OPRK1: variants seen among roughly 807,000 people sequenced by gnomAD.
OPRK1 encodes opioid receptor kappa 1, also known as kappa-type opioid receptor.
A neutral mutation model predicts 24.5 loss-of-function variants in OPRK1; 15 were observed. That is an observed-to-expected ratio of 0.61 (90% CI 0.41 to 0.94). OPRK1 has a LOEUF of 0.94. Among genes scored for constraint, OPRK1 ranks in the 40% least tolerant of loss-of-function variants. OPRK1 has a pLI of 0.00. For missense variants in OPRK1, 479 were observed against 507.3 expected (o/e 0.94, Z 0.54); for synonymous variants, 205 against 198.0 (o/e 1.04, Z -0.30).
intron 2 of OPRK1, among the ~76,000 whole-genome samples, chr8:53,247,325 G>A (rs1466366774): frequency 6.6e-6 from 1 of 152,176 alleles, no homozygotes; most frequent in African/African-American, 2.4e-5. Flanking sequence ...CATCATTCTG[G>A]CCCCGTGAGT....
At chr8:53,236,583 C>G (rs1028981543) in intron 2 of OPRK1, among the ~76,000 whole-genome samples, 1 of 152,090 alleles carries the variant, frequency 6.6e-6, no homozygotes, top group Non-Finnish European at 1.5e-5. Context: ...ATTAAATGAC[C>G]TATAAGTTTT....
intron 2 of OPRK1, chr8:53,238,859 T>C (rs1585633792): frequency 5.4e-6 from 1 of 183,750 alleles, no homozygotes; most frequent in Non-Finnish European, 1.0e-5. Context: ...GTCCTTTCCA[T>C]GCATGGCTGT....
intron 2 of OPRK1, among the ~76,000 whole-genome samples, chr8:53,239,080 T>C (rs1807058786): frequency 6.6e-6 from 1 of 152,216 alleles, no homozygotes; most frequent in Non-Finnish European, 1.5e-5. Context: ...CAACACACTT[T>C]CAGTTGCACT....
intron 2 of OPRK1, among the ~76,000 whole-genome samples, chr8:53,244,097 C>T (rs778226115): frequency 2.0e-5 from 3 of 152,220 alleles, no homozygotes; most frequent in African/African-American, 4.8e-5. Flanking sequence ...CCCTCTGTCA[C>T]CCCATTCCGT....
At chr8:53,238,748 C>T in intron 2 of OPRK1, 2 of 982,300 alleles carry the variant, frequency 2.0e-6, no homozygotes, top group South Asian at 9.4e-5. Context: ...ACCAGTGTCA[C>T]CAGGCAGGGT....
intron 1 of OPRK1, 133 bp from the exon 2 acceptor site, chr8:53,251,218 G>T: frequency 1.0e-6 from 1 of 1,000,836 alleles, no homozygotes; most frequent in Non-Finnish European, 1.4e-6. Context: ...CAGGGAGAAC[G>T]GACTTCTCGC....
chr8:53,237,696 C>T (rs762331574), intron 2 of OPRK1, among the ~76,000 whole-genome samples: 6 of 152,186 alleles, frequency 3.9e-5, no homozygotes, highest in Admixed American at 6.5e-5. Context: ...GATCCCAATT[C>T]GTCCATTCTT....
chr8:53,229,216 T>G lies in OPRK1; in HGVS notation c.*81A>C, dbSNP rs1485942616. The stretch of plus-strand genomic sequence containing the variant: ...TAAATTCTATCTTTTCATGTCAGAC[T>G]GCAGTAGTGATCTGAGTTAAACCTA... On this transcript the variant is annotated 3_prime_UTR_variant, in exon 4 of 4. Transcript: ENST00000265572. The G allele has an allele frequency of 6.9e-7, 1 of 1,441,784 alleles. No individual in the cohort carries two copies. The highest frequency in any genetic ancestry group is 1.4e-5 in the African/African-American group (1 of 69,816). 89.3% of individuals were successfully genotyped at this position (1,441,784 alleles called of 1,614,324 possible). A position where few individuals can be genotyped will look rare whatever the true frequency, so the allele number is the denominator to read the frequency against.
At chr8:53,243,468 T>C (rs1807159835) in intron 2 of OPRK1, among the ~76,000 whole-genome samples, 2 of 152,226 alleles carry the variant, frequency 1.3e-5, no homozygotes, top group South Asian at 4.1e-4. Context: ...CTGGAGTCTA[T>C]TAAAGTTTAG....
chr8:53,229,703 T>C lies in OPRK1; in HGVS notation c.737A>G (p.Tyr246Cys). 2.5e-6 allele frequency: 4 copies of C among 1,613,970 alleles called. No individual in the cohort carries two copies. The highest frequency in any genetic ancestry group is 3.4e-6 in the Non-Finnish European group (4 of 1,179,998). ...VIPVLIIIVC[Y>C]TLMILRLKSV... Reference sequence around the variant, plus strand: ...CTTGAGACGCAGGATCATCAGGGTGTAGCAGACGATGATGATGAGGACAGG... The same window carrying C: ...CTTGAGACGCAGGATCATCAGGGTGCAGCAGACGATGATGATGAGGACAGG... The change falls in exon 4 of 4, where the codon TAC becomes TGC. Residue 246 changes from tyrosine (Y) to cysteine (C), a missense_variant. Physicochemically the swap from Tyr to Cys is radical, Grantham distance 194 (BLOSUM62 -2). Coordinates refer to ENST00000265572, the MANE Select transcript of OPRK1 (RefSeq NM_000912.5).
At chr8:53,244,152 G>T (rs925902146) in intron 2 of OPRK1, among the ~76,000 whole-genome samples, 1 of 152,212 alleles carries the variant, frequency 6.6e-6, no homozygotes, top group Non-Finnish European at 1.5e-5. Flanking sequence ...TTCTGGTGAG[G>T]CTGAGACAAG....
intron 2 of OPRK1, among the ~76,000 whole-genome samples, chr8:53,243,548 G>A (rs1323707156): frequency 1.3e-5 from 2 of 152,194 alleles, no homozygotes; most frequent in Non-Finnish European, 2.9e-5. Flanking sequence ...TCTCTCTGCA[G>A]TTGTATAGTC....
At chr8:53,235,210 T>A in intron 2 of OPRK1, 99 bp from the exon 3 acceptor site, 3 of 949,138 alleles carry the variant, frequency 3.2e-6, no homozygotes, top group Non-Finnish European at 4.7e-6. Flanking sequence ...TTTTGCTTCT[T>A]CATTCAATTA....
intron 2 of OPRK1, among the ~76,000 whole-genome samples, chr8:53,245,972 A>C (rs1394820878): frequency 6.6e-6 from 1 of 152,210 alleles, no homozygotes; most frequent in Non-Finnish European, 1.5e-5. Flanking sequence ...CCAGTCCCAC[A>C]GTCACCTATG....
chr8:53,250,894 C>G lies in OPRK1; in HGVS notation c.144G>C (p.Gln48His). The change falls in exon 2 of 4, where the codon CAG (glutamine) becomes CAC (histidine). Residue 48 changes from glutamine to histidine, a missense_variant. Physicochemically the swap from Gln to His is conservative, Grantham distance 24. Coordinates refer to ENST00000265572, the MANE Select transcript of OPRK1 (RefSeq NM_000912.5). ...CCGGGGAGATGTGCGCGGGCTCCAG[C>G]TGCGCGTCCTCCGAGCCGGCGCTGC... Reference protein sequence around the residue: ...SNGSAGSEDAQLEPAHISPAI... With the variant: ...SNGSAGSEDAHLEPAHISPAI... 1 of 1,612,260 alleles carries G rather than the reference C, an allele frequency of 6.2e-7. No homozygotes were observed.
intron 2 of OPRK1, among the ~76,000 whole-genome samples, chr8:53,246,221 C>A (rs1433584835): frequency 6.6e-6 from 1 of 152,048 alleles, no homozygotes; most frequent in Non-Finnish European, 1.5e-5. Context: ...AAAGTGAGGA[C>A]CTAAGGTCAC....
intron 2 of OPRK1, among the ~76,000 whole-genome samples, chr8:53,240,783 A>C (rs1807094528): frequency 1.3e-5 from 2 of 152,110 alleles, no homozygotes; most frequent in Non-Finnish European, 2.9e-5. Context: ...AGCATCAACA[A>C]TACTGTATTG....
At position 53,229,685 on chromosome 8, in the gene OPRK1, C is replaced by G; in HGVS notation, c.755G>C (p.Arg252Pro). 3 of 1,614,072 alleles carry G rather than the reference C, an allele frequency of 1.9e-6. No homozygotes were observed. The highest frequency in any genetic ancestry group is 2.5e-6 in the Non-Finnish European group (3 of 1,180,014). Residue 252 changes from arginine (R) to proline (P), a missense_variant, in exon 4 of 4, where the codon CGT becomes CCT. By Grantham distance (103) the Arg-to-Pro change is moderately radical. Transcript: ENST00000265572. ...AGAAAGGAGCCGGACGCTCTTGAGA[C>G]GCAGGATCATCAGGGTGTAGCAGAC... Reference protein sequence around the residue: ...IIVCYTLMILRLKSVRLLSGS... With the variant: ...IIVCYTLMILPLKSVRLLSGS...
At chr8:53,237,494 C>T (rs975669062) in intron 2 of OPRK1, among the ~76,000 whole-genome samples, 8 of 152,160 alleles carry the variant, frequency 5.3e-5, no homozygotes, top group Non-Finnish European at 8.8e-5. Flanking sequence ...ACCACATTTC[C>T]GAAGTGCCTG....
Sources: allele counts gnomAD v4.1 joint callset (sites outside exome capture counted in the v4.1 genomes callset), GRCh38; gene constraint gnomAD v4.1.1; transcripts MANE v1.5; gene names NCBI Gene and HGNC (gene_info 2026-07-23, HGNC 2026-07-21).